The following BDH1 variants were observed in gnomAD, a reference collection of about 807,000 sequenced individuals.
The protein encoded by BDH1 is 3-hydroxybutyrate dehydrogenase 1.
Under a neutral mutation model 33.1 loss-of-function variants are expected in BDH1, and 30 were observed. That is an observed-to-expected ratio of 0.91 (90% confidence interval 0.68 to 1.23). The LOEUF is 1.23. Among genes scored for constraint, BDH1 ranks in the 50% most tolerant of loss-of-function variants. BDH1 has a pLI of 0.00. For missense variants in BDH1, 443 were observed against 464.4 expected (o/e 0.95, Z 0.42); for synonymous variants, 190 against 183.6 (o/e 1.03, Z -0.28).
intron 1 of BDH1, among the ~76,000 whole-genome samples, chr3:197,571,390 G>A (rs1717601404): frequency 6.6e-6 from 1 of 152,164 alleles, no homozygotes; most frequent in Non-Finnish European, 1.5e-5. Context: ...AAGGGGCCAG[G>A]AGTGGAATGA....
In BDH1 at chr3:197,511,610, TG is replaced by T. The variant is rs1560298364; in HGVS notation, c.*284del. On this transcript the variant is annotated 3_prime_UTR_variant, in exon 8 of 8. Coordinates refer to ENST00000392379, the MANE Select transcript of BDH1 (RefSeq NM_203314.3). ...ATGAGATCTGTTTTTAATATAAAGA[TG>T]TTTTCTTAAAATCTCTGTATGAAAT... 3 of 406,948 alleles carry T rather than the reference TG, an allele frequency of 7.4e-6. No homozygotes were observed. The highest frequency in any genetic ancestry group is 1.3e-5 in the Non-Finnish European group (3 of 230,334). The allele number at this position is 406,948 out of a possible 1,614,324, so 25.2% of individuals were successfully genotyped here.
chr3:197,527,648 T>A (rs111528294), intron 5 of BDH1, among the ~76,000 whole-genome samples: 1 of 152,152 alleles, frequency 6.6e-6, no homozygotes, highest in African/African-American at 2.4e-5. Context: ...TCATTCTGCT[T>A]CAGCCACAGA....
chr3:197,515,183 G>T (rs74524468), intron 6 of BDH1, among the ~76,000 whole-genome samples: 1 of 152,180 alleles, frequency 6.6e-6, no homozygotes, highest in South Asian at 2.1e-4. Context: ...CTTTCCTTCC[G>T]TGTTACCCAA....
chr3:197,531,180 G>A (rs1232196108), intron 5 of BDH1, among the ~76,000 whole-genome samples: 1 of 152,072 alleles, frequency 6.6e-6, no homozygotes, highest in Non-Finnish European at 1.5e-5. Context: ...TGGATCACCT[G>A]AGGACAGGAG....
intron 3 of BDH1, among the ~76,000 whole-genome samples, chr3:197,537,418 T>C (rs958685571): frequency 6.6e-6 from 1 of 152,268 alleles, no homozygotes; most frequent in African/African-American, 2.4e-5. Flanking sequence ...AGGAGTTTTT[T>C]TGTGGATGCC....
At position 197,522,501 on chromosome 3, in the gene BDH1, CTACTG is replaced by C; in HGVS notation, c.409+134_409+138del. 1.9e-6 allele frequency: 2 copies of C among 1,078,100 alleles called. No homozygotes were observed. Among genetic ancestry groups the C allele is most frequent in the Non-Finnish European group, 2.7e-6 (2 of 747,120 alleles). The allele number at this position is 1,078,100 out of a possible 1,614,324, so 66.8% of individuals were successfully genotyped here. On this transcript the variant is annotated intron_variant, in intron 6 of 7. Transcript: ENST00000392379. The surrounding 1 kb of genome is among the most constrained non-coding windows in gnomAD (Gnocchi z 4.8). ...TATGTTTAGTGTAATCCTCTTCCTC[CTACTG>C]TGCAGGAGGAAGAGCCTAAACAATA...
At position 197,510,604 on chromosome 3, in the gene BDH1, GTGTGTGT is replaced by G. The variant is rs1711836746; in HGVS notation, c.*1284_*1290del. 9.6e-5 allele frequency: 2 copies of G among 20,796 alleles called. No homozygotes were observed. The highest frequency in any genetic ancestry group is 1.9e-4 in the Non-Finnish European group (2 of 10,558). 1.3% of individuals were successfully genotyped at this position (20,796 alleles called of 1,614,324 possible). A position where few individuals can be genotyped will look rare whatever the true frequency, so the allele number is the denominator to read the frequency against. On this transcript the variant is annotated 3_prime_UTR_variant, in exon 8 of 8. Transcript: ENST00000392379. ...CTGAAGCCCTGCAGAACAGGGGTGT[GTGTGTGT>G]GTGTGTGTGTGTGTGTGTGTGTGTG... is the stretch of plus-strand genomic sequence containing the variant.
chr3:197,512,444 G>A, intron 7 of BDH1, 80 bp from the exon 8 acceptor site: 1 of 1,450,116 alleles, frequency 6.9e-7, no homozygotes, highest in South Asian at 1.4e-5. Context: ...TGTCTCTAGA[G>A]GCTTGGCTGG....
At chr3:197,569,599 C>T (rs1392614791) in intron 1 of BDH1, among the ~76,000 whole-genome samples, 1 of 152,110 alleles carries the variant, frequency 6.6e-6, no homozygotes, top group Non-Finnish European at 1.5e-5. Context: ...GAATAAGTTT[C>T]TCCCATACTT....
At chr3:197,553,273 G>A (rs958082400) in intron 2 of BDH1, among the ~76,000 whole-genome samples, 1 of 148,904 alleles carries the variant, frequency 6.7e-6, no homozygotes, top group Non-Finnish European at 1.5e-5. Flanking sequence ...GCTCACGCCT[G>A]TAATCCCAGC....
At chr3:197,565,619 G>C (rs1345067847) in intron 1 of BDH1, among the ~76,000 whole-genome samples, 1 of 152,090 alleles carries the variant, frequency 6.6e-6, no homozygotes, top group African/African-American at 2.4e-5. Flanking sequence ...CTATAATTTT[G>C]ATATGACTTA....
At chr3:197,547,869 G>A (rs1240029559) in intron 2 of BDH1, among the ~76,000 whole-genome samples, 1 of 152,246 alleles carries the variant, frequency 6.6e-6, no homozygotes, top group Non-Finnish European at 1.5e-5. Flanking sequence ...CATCCTGGAT[G>A]CTGAGTCCTC....
chr3:197,553,537 A>C (rs1348744957), intron 2 of BDH1, among the ~76,000 whole-genome samples: 2 of 151,550 alleles, frequency 1.3e-5, no homozygotes, highest in Non-Finnish European at 2.9e-5. Flanking sequence ...CAAAAAAAAA[A>C]AAAAAAAAAG....
chr3:197,536,389 G>A (rs1715157098), intron 3 of BDH1, among the ~76,000 whole-genome samples: 1 of 152,146 alleles, frequency 6.6e-6, no homozygotes, highest in South Asian at 2.1e-4. Context: ...AAATATGACT[G>A]GGATTTTTAT....
Position 197,525,259 on chromosome 3 carries a change from C to G in BDH1, c.268-2478G>C, listed in dbSNP as rs1713978014. ...TGCAGTCTTCCACCTGGTGGCCCTT[C>G]AAATGCCCCTTGGCGTGGAGCTCAC... On this transcript the variant is annotated intron_variant, in intron 5 of 7. Transcript: ENST00000392379. This position sits in a 1 kb window ranked among gnomAD's most constrained non-coding sequence, Gnocchi z 4.9. 6.6e-6 allele frequency among the ~76,000 whole-genome samples: 1 copy of G among 152,230 alleles called. No individual in the cohort carries two copies. The highest frequency in any genetic ancestry group is 2.1e-4 in the South Asian group (1 of 4,828).
chr3:197,550,518 C>T (rs79527267), intron 2 of BDH1, among the ~76,000 whole-genome samples: 14,588 of 152,210 alleles, frequency 0.096, 842 homozygotes, highest in African/African-American at 0.16. Flanking sequence ...GCTTTGGTCA[C>T]GGAGGACTGA....
intron 1 of BDH1, among the ~76,000 whole-genome samples, chr3:197,566,281 A>G (rs1717429430): frequency 6.6e-6 from 1 of 152,238 alleles, no homozygotes; most frequent in Non-Finnish European, 1.5e-5. Flanking sequence ...TTAAGGATTC[A>G]AAATTGACTT....
At chr3:197,563,474 T>A (rs921410870) in intron 1 of BDH1, among the ~76,000 whole-genome samples, 2 of 152,196 alleles carry the variant, frequency 1.3e-5, no homozygotes, top group Non-Finnish European at 2.9e-5. Flanking sequence ...AGGCAAATCT[T>A]TTTCACGTCT....
chr3:197,545,966 G>C (rs986764248), intron 3 of BDH1, among the ~76,000 whole-genome samples: 1 of 152,070 alleles, frequency 6.6e-6, no homozygotes, highest in Non-Finnish European at 1.5e-5. Flanking sequence ...GTGAAACCCC[G>C]TCTCTACTAA....
Sources: allele counts gnomAD v4.1 joint callset (sites outside exome capture counted in the v4.1 genomes callset), GRCh38; gene constraint gnomAD v4.1.1; non-coding constraint Gnocchi (gnomAD v3.1); transcripts MANE v1.5; gene names NCBI Gene and HGNC (gene_info 2026-07-23, HGNC 2026-07-21).